GDPD1: variants seen among roughly 807,000 people sequenced by gnomAD.
GDPD1 encodes lysophospholipase D GDPD1.
In GDPD1, 28 loss-of-function variants were observed where a neutral mutation model predicts 45.1. The ratio of observed to expected loss-of-function variants is 0.62; its 90% confidence interval spans 0.46 to 0.85. The LOEUF (loss-of-function observed/expected upper bound fraction) is 0.85. GDPD1 is among the 40% of genes least tolerant of loss of function. The probability of loss-of-function intolerance (pLI) is 0.00; values close to 1 mark genes in which losing one functional copy is unlikely to be tolerated. For missense variants in GDPD1, 256 were observed against 364.8 expected (o/e 0.70, Z 2.43); for synonymous variants, 139 against 131.4 (o/e 1.06, Z -0.40).
chr17:59,230,795 A>ATT (rs1358064125), intron 1 of GDPD1, among the ~76,000 whole-genome samples: 1 of 152,220 alleles, frequency 6.6e-6, no homozygotes, highest in Non-Finnish European at 1.5e-5. Flanking sequence ...TGCCAGGGTC[A>ATT]TTGCTGTTGA....
chr17:59,226,970 C>T (rs146187331), intron 1 of GDPD1, among the ~76,000 whole-genome samples: 47 of 151,660 alleles, frequency 3.1e-4, no homozygotes, highest in Middle Eastern at 6.9e-3. Context: ...CATGAACCAC[C>T]GCGCCCACCC....
Position 59,270,920 on chromosome 17 carries a change from C to T in GDPD1, c.711-16C>T. On this transcript the variant is annotated splice_polypyrimidine_tract_variant and intron_variant, in intron 7 of 9. Coordinates refer to ENST00000284116, the MANE Select transcript of GDPD1 (RefSeq NM_182569.4). ...CTGTGTTTCTAATTTGTAATTCAAA[C>T]TTTATTTTACCCTAGGCTAAAAGAA... 2.6e-6 allele frequency: 4 copies of T among 1,552,998 alleles called. No individual in the cohort carries two copies. The highest frequency in any genetic ancestry group is 3.5e-6 in the Non-Finnish European group (4 of 1,138,250).
chr17:59,257,107 A>G lies in GDPD1; in HGVS notation c.368-15A>G, dbSNP rs1026556601. The G allele has an allele frequency of 3.0e-6, 4 of 1,322,000 alleles. No homozygotes were observed. The highest frequency in any genetic ancestry group is 3.2e-6 in the Non-Finnish European group (3 of 935,794). The allele number at this position is 1,322,000 out of a possible 1,614,324, so 81.9% of individuals were successfully genotyped here. On this transcript the variant is annotated splice_polypyrimidine_tract_variant and intron_variant, in intron 4 of 9. Transcript: ENST00000284116. ...TTATATTTAAAAAATACATTTAAAA[A>G]TCTTGCTTTCTCAGCATGCCAGTGT...
intron 6 of GDPD1, among the ~76,000 whole-genome samples, chr17:59,259,484 G>A (rs1257251190): frequency 4.1e-5 from 6 of 146,554 alleles, no homozygotes; most frequent in Non-Finnish European, 7.5e-5. Flanking sequence ...GGAGAATGGC[G>A]TGAACCCGGG....
intron 4 of GDPD1, among the ~76,000 whole-genome samples, chr17:59,256,254 T>A (rs1243980283): frequency 6.6e-6 from 1 of 151,586 alleles, no homozygotes; most frequent in African/African-American, 2.4e-5. Context: ...GAGGCAGAGG[T>A]TGCAGTGAGC....
chr17:59,234,710 A>C (rs547521038), intron 2 of GDPD1, among the ~76,000 whole-genome samples, 176 bp downstream of exon 2: 20 of 152,288 alleles, frequency 1.3e-4, no homozygotes, highest in Admixed American at 1.2e-3. Context: ...TGTTACAAAG[A>C]GTTTGGCTTC....
intron 2 of GDPD1, among the ~76,000 whole-genome samples, chr17:59,235,936 A>T (rs2047128677): frequency 6.6e-6 from 1 of 152,180 alleles, no homozygotes; most frequent in Admixed American, 6.6e-5. Flanking sequence ...AGCTAGCCAT[A>T]ACTAAATATA....
At chr17:59,231,273 C>T (rs1404359084) in intron 1 of GDPD1, among the ~76,000 whole-genome samples, 1 of 151,842 alleles carries the variant, frequency 6.6e-6, no homozygotes, top group African/African-American at 2.4e-5. Flanking sequence ...TCCATGTGAC[C>T]AGGCTATGCT....
At chr17:59,255,802 T>C (rs1318468083) in intron 4 of GDPD1, among the ~76,000 whole-genome samples, 1 of 92,752 alleles carries the variant, frequency 1.1e-5, no homozygotes, top group African/African-American at 5.6e-5. Flanking sequence ...TATATGTATA[T>C]ATATATATAC....
At chr17:59,256,480 T>C (rs2047310018) in intron 4 of GDPD1, among the ~76,000 whole-genome samples, 1 of 152,252 alleles carries the variant, frequency 6.6e-6, no homozygotes, top group Admixed American at 6.5e-5. Context: ...ATTTAGTGTA[T>C]ACTTCCCTTG....
intron 1 of GDPD1, among the ~76,000 whole-genome samples, chr17:59,228,153 C>T (rs1308108141): frequency 1.9e-5 from 1 of 53,094 alleles, no homozygotes; most frequent in South Asian, 5.4e-4. Flanking sequence ...GCCTGGGTGA[C>T]AAAGAAAGAC....
intron 4 of GDPD1, chr17:59,249,080 C>CA (rs1204985216): frequency 4.9e-6 from 1 of 204,690 alleles, no homozygotes; most frequent in African/African-American, 2.3e-5. Context: ...AGTCATCCAT[C>CA]AAAAAATATA....
intron 1 of GDPD1, among the ~76,000 whole-genome samples, chr17:59,226,841 AT>A (rs575645605): frequency 2.5e-4 from 37 of 145,958 alleles, no homozygotes; most frequent in Admixed American, 2.7e-4. Context: ...TACCCAGCTA[AT>A]TTTTTTTTTT....
At chr17:59,246,091 G>T (rs762263348) in intron 3 of GDPD1, among the ~76,000 whole-genome samples, 15 of 151,546 alleles carry the variant, frequency 9.9e-5, no homozygotes, top group Non-Finnish European at 1.0e-4. Context: ...CTGCACTGCA[G>T]CCTGGGCAAG....
chr17:59,221,884 G>A (rs2047008072), intron 1 of GDPD1, among the ~76,000 whole-genome samples: 1 of 152,094 alleles, frequency 6.6e-6, no homozygotes. Context: ...CAAGGAAAAA[G>A]GTTTTGAAAT....
At chr17:59,245,696 A>G (rs1235206856) in intron 3 of GDPD1, 147 bp downstream of exon 3, 2 of 603,518 alleles carry the variant, frequency 3.3e-6, no homozygotes, top group Non-Finnish European at 2.7e-6. Context: ...TTAAAAAACT[A>G]CTTTGAGGCC....
chr17:59,234,777 A>G (rs946638903), intron 2 of GDPD1, among the ~76,000 whole-genome samples: 1 of 152,210 alleles, frequency 6.6e-6, no homozygotes, highest in African/African-American at 2.4e-5. Flanking sequence ...CTATAGTTAC[A>G]AAGCTGAAAG....
At chr17:59,241,828 T>C (rs527989075) in intron 2 of GDPD1, among the ~76,000 whole-genome samples, 1 of 151,966 alleles carries the variant, frequency 6.6e-6, no homozygotes, top group South Asian at 2.1e-4. Context: ...CGCAGGAGGC[T>C]GAGACAGAAG....
In GDPD1 at chr17:59,257,735, G is replaced by C. The variant is rs2047320203; in HGVS notation, c.487-16G>C. 6.3e-7 allele frequency: 1 copy of C among 1,578,426 alleles called. No individual in the cohort carries two copies. The highest frequency in any genetic ancestry group is 1.7e-4 in the Middle Eastern group (1 of 5,980). ...CAAATAGGCACATGCATAAAATTTT[G>C]AATTTTCACACGTAGGTTTCAGAGT... On this transcript the variant is annotated splice_polypyrimidine_tract_variant and intron_variant, in intron 5 of 9. Transcript: ENST00000284116.
Sources: gnomAD v4.1 joint callset for allele counts (sites outside exome capture counted in the v4.1 genomes callset) on GRCh38, gnomAD v4.1.1 for gene constraint, MANE v1.5 for transcripts, NCBI Gene and HGNC (gene_info 2026-07-23, HGNC 2026-07-21) for gene names.